Variants in SYNPR observed in about 807,000 individuals in gnomAD.
The protein encoded by SYNPR is synaptoporin.
Under a neutral mutation model 32.9 loss-of-function variants are expected in SYNPR, and 23 were observed. The observed-to-expected ratio is 0.70, with a 90% CI of 0.50 to 0.99. The LOEUF (loss-of-function observed/expected upper bound fraction) is 0.99. SYNPR is among the 50% of genes least tolerant of loss of function. SYNPR has a pLI of 0.00. For synonymous variants in SYNPR, 146 were observed against 135.9 expected (o/e 1.07, Z -0.52); for missense variants, 318 against 349.3 (o/e 0.91, Z 0.71).
intron 2 of SYNPR, among the ~76,000 whole-genome samples, chr3:63,449,149 GATAAAGA>G (rs1319388146): frequency 1.3e-5 from 2 of 152,134 alleles, no homozygotes; most frequent in Non-Finnish European, 2.9e-5. Flanking sequence ...AAGTAAAGAA[GATAAAGA>G]ATAAACAGAG....
chr3:63,462,993 G>C (rs1186727005), intron 2 of SYNPR, among the ~76,000 whole-genome samples: 1 of 152,146 alleles, frequency 6.6e-6, no homozygotes, highest in African/African-American at 2.4e-5. Context: ...TTGCTCTGCA[G>C]ATGCACAATT....
At chr3:63,518,949 T>C (rs926691653) in intron 3 of SYNPR, among the ~76,000 whole-genome samples, 2 of 152,198 alleles carry the variant, frequency 1.3e-5, no homozygotes, top group African/African-American at 4.8e-5. Flanking sequence ...ATACCTAGTT[T>C]GTTGAGGGTT....
chr3:63,297,484 C>G (rs530222069), intron 2 of SYNPR, among the ~76,000 whole-genome samples: 2 of 152,174 alleles, frequency 1.3e-5, no homozygotes, highest in East Asian at 3.9e-4. Context: ...AGCAGTATAT[C>G]CCATAAAAAT....
chr3:63,513,848 A>G (rs1199551086), intron 3 of SYNPR, among the ~76,000 whole-genome samples: 1 of 152,122 alleles, frequency 6.6e-6, no homozygotes, highest in African/African-American at 2.4e-5. Flanking sequence ...GAGAAAAGAA[A>G]AAGTAGACTA....
intron 2 of SYNPR, chr3:63,443,589 C>G: frequency 8.9e-7 from 1 of 1,129,250 alleles, no homozygotes; most frequent in Non-Finnish European, 1.3e-6. Context: ...TTTTAAGTCT[C>G]TAGTAATAAT....
chr3:63,331,452 C>T (rs1283005262), intron 2 of SYNPR, among the ~76,000 whole-genome samples: 1 of 152,032 alleles, frequency 6.6e-6, no homozygotes. Context: ...TCCTGCTAAA[C>T]CATTTGGTTT....
chr3:63,278,882 C>T (rs926689995), intron 2 of SYNPR, 140 bp downstream of exon 2: 7 of 1,012,836 alleles, frequency 6.9e-6, no homozygotes, highest in Non-Finnish European at 1.0e-5. Flanking sequence ...ATCCTGCCCC[C>T]TCCTAAGATG....
chr3:63,515,162 C>A (rs1176693208), intron 3 of SYNPR, among the ~76,000 whole-genome samples: 1 of 152,016 alleles, frequency 6.6e-6, no homozygotes, highest in Admixed American at 6.6e-5. Flanking sequence ...TTCTGCCCCC[C>A]CATCTTTTCA....
intron 4 of SYNPR, among the ~76,000 whole-genome samples, chr3:63,591,872 G>T (rs1346126976): frequency 1.3e-5 from 2 of 149,972 alleles, no homozygotes; most frequent in Non-Finnish European, 3.0e-5. Context: ...ACGCGTTAGT[G>T]GGTGCAGCGC....
chr3:63,334,559 G>GTGTGTGTGTGTGT (rs1191395038), intron 2 of SYNPR, among the ~76,000 whole-genome samples: 1 of 140,964 alleles, frequency 7.1e-6, no homozygotes, highest in Non-Finnish European at 1.6e-5. Flanking sequence ...TGTGTGTGTG[G>GTGTGTGTGTGTGT]ACACACGTGG....
chr3:63,579,825 GCA>G (rs1272940237), intron 4 of SYNPR, among the ~76,000 whole-genome samples: 14 of 117,358 alleles, frequency 1.2e-4, no homozygotes, highest in South Asian at 2.9e-4. Flanking sequence ...ACACACACAC[GCA>G]CACACACACA....
chr3:63,320,236 C>T lies in SYNPR; in HGVS notation c.84+41494C>T, dbSNP rs2087096895. Reference sequence around the variant, plus strand: ...CAAGTGCTAGGATTATAGGTATGAGCCACCATGCCTGGCCTACATTTATTT... The same window carrying T: ...CAAGTGCTAGGATTATAGGTATGAGTCACCATGCCTGGCCTACATTTATTT... On this transcript the variant is annotated intron_variant, in intron 2 of 5. Coordinates refer to ENST00000478300, the MANE Select transcript of SYNPR (RefSeq NM_001130003.2). Among the ~76,000 whole-genome samples the T allele has an allele frequency of 2.0e-5, 3 of 152,100 alleles. No homozygotes were observed. The South Asian group carries it at 6.2e-4, about 32-fold the overall frequency.
intron 3 of SYNPR, among the ~76,000 whole-genome samples, chr3:63,552,060 G>T (rs1469505320): frequency 1.3e-5 from 2 of 151,832 alleles, no homozygotes; most frequent in African/African-American, 4.8e-5. Flanking sequence ...ACCATGTCTG[G>T]CTAATTTTTG....
chr3:63,266,916 A>G (rs958965437), intron 2 of SYNPR, among the ~76,000 whole-genome samples: 2 of 152,138 alleles, frequency 1.3e-5, no homozygotes, highest in Admixed American at 1.3e-4. Flanking sequence ...AGGAAAAAAA[A>G]TGAATGTAAT....
intron 2 of SYNPR, among the ~76,000 whole-genome samples, chr3:63,469,353 A>G (rs1700752456): frequency 6.6e-6 from 1 of 152,082 alleles, no homozygotes; most frequent in African/African-American, 2.4e-5. Context: ...TGTGTGCATG[A>G]GCTCATCATG....
At chr3:63,603,154 T>C (rs1253048160) in intron 4 of SYNPR, among the ~76,000 whole-genome samples, 2 of 152,182 alleles carry the variant, frequency 1.3e-5, no homozygotes, top group African/African-American at 2.4e-5. Context: ...CTGGATGTTA[T>C]TGGTGTATGG....
chr3:63,351,907 A>G (rs914059010), intron 2 of SYNPR, among the ~76,000 whole-genome samples: 1 of 152,208 alleles, frequency 6.6e-6, no homozygotes, highest in African/African-American at 2.4e-5. Context: ...ACTGCTAAAG[A>G]ATGAATGATA....
At chr3:63,516,941 T>C (rs1701812051) in intron 3 of SYNPR, among the ~76,000 whole-genome samples, 1 of 152,150 alleles carries the variant, frequency 6.6e-6, no homozygotes, top group Non-Finnish European at 1.5e-5. Flanking sequence ...AGCCTCTGAA[T>C]AATGTTGTAT....
At chr3:63,599,067 T>A (rs571980041) in intron 4 of SYNPR, among the ~76,000 whole-genome samples, 1 of 152,300 alleles carries the variant, frequency 6.6e-6, no homozygotes, top group East Asian at 1.9e-4. Flanking sequence ...GCCTTCTGCT[T>A]AGATCATGCT....
Sources: gnomAD v4.1 joint callset for allele counts (sites outside exome capture counted in the v4.1 genomes callset) on GRCh38, gnomAD v4.1.1 for gene constraint, MANE v1.5 for transcripts, NCBI Gene and HGNC (gene_info 2026-07-23, HGNC 2026-07-21) for gene names.